The following HCFC1 variants were observed in gnomAD, a reference collection of about 807,000 sequenced individuals.
The protein encoded by HCFC1 is host cell factor 1.
A neutral mutation model predicts 105.5 loss-of-function variants in HCFC1; 7 were observed. The ratio of observed to expected loss-of-function variants is 0.07; its 90% CI spans 0.04 to 0.12. HCFC1 has a LOEUF of 0.12. HCFC1 is among the 10% of genes least tolerant of loss of function. HCFC1 has a pLI of 1.00. For missense variants in HCFC1, 1,065 were observed against 1,823.6 expected (o/e 0.58, Z 7.58); for synonymous variants, 918 against 828.1 (o/e 1.11, Z -1.86).
intron 12 of HCFC1, 122 bp downstream of exon 12, chrX:153,957,660 G>T: frequency 2.6e-6 from 2 of 762,128 alleles, no homozygotes; most frequent in Non-Finnish European, 3.9e-6. Context: ...AGGGGAGTGA[G>T]CAGCAGAACT....
intron 6 of HCFC1, among the ~76,000 whole-genome samples, chrX:153,960,703 G>A (rs781833300): frequency 8.9e-6 from 1 of 112,616 alleles, no homozygotes; most frequent in Admixed American, 9.4e-5. Context: ...ACGGCAATGG[G>A]AAAGTGGTTT....
In HCFC1 at chrX:153,952,769, C is replaced by T. The variant is rs782310209; in HGVS notation, c.4687G>A (p.Gly1563Ser). 24 of 1,207,543 alleles carry T rather than the reference C, an allele frequency of 2.0e-5. No individual in the cohort carries two copies. The highest frequency in any genetic ancestry group is 4.6e-4 in the Middle Eastern group (2 of 4,343). Residue 1563 changes from glycine to serine, a missense_variant, in exon 19 of 26, where the codon GGC (glycine) becomes AGC (serine). Physicochemically the swap from Gly to Ser is moderately conservative, Grantham distance 56. Coordinates refer to ENST00000310441, the MANE Select transcript of HCFC1 (RefSeq NM_005334.3). ...ACCACAGTGGCCACCACCGCAGAGC[C>T]GGCAGACTCCTGGCCCGAAGATGGC... ...GEPSSGQESA[G>S]SAVVATVVVQ...
intron 4 of HCFC1, among the ~76,000 whole-genome samples, chrX:153,963,019 A>G (rs2065443855): frequency 8.9e-6 from 1 of 112,404 alleles, no homozygotes; most frequent in Non-Finnish European, 1.9e-5. Context: ...CCACTCAGCC[A>G]GCACAGGGCA....
At chrX:153,957,999 G>A (rs782505811) in intron 11 of HCFC1, 26 bp downstream of exon 11, 4 of 1,189,726 alleles carry the variant, frequency 3.4e-6, no homozygotes, top group Admixed American at 4.3e-5. Flanking sequence ...GGCAGTGGCC[G>A]TAGCCTGGCA....
rs2857087 is a variant in HCFC1, at chrX:153,953,779, G to T, written c.4334-9C>A. On this transcript the variant is annotated splice_polypyrimidine_tract_variant and intron_variant, in intron 17 of 25. Transcript: ENST00000310441. Reference sequence around the variant, plus strand: ...GGCAGCAGGTGGGGGGTCTGTGGGGGCGACAGGCAGGCGGCTGCTCAGCAG... The same window carrying T: ...GGCAGCAGGTGGGGGGTCTGTGGGGTCGACAGGCAGGCGGCTGCTCAGCAG... 8.4e-7 allele frequency: 1 copy of T among 1,197,099 alleles called. No individual in the cohort carries two copies. Among genetic ancestry groups the T allele is most frequent in the Non-Finnish European group, 1.1e-6 (1 of 888,474 alleles).
chrX:153,955,395 C>T lies in HCFC1; in HGVS notation c.3004G>A (p.Gly1002Ser). The change falls in exon 17 of 26, where the codon GGT (glycine) becomes AGT (serine). Residue 1002 changes from glycine (G) to serine (S), a missense_variant. This residue lies in a region of HCFC1 where 546 missense variants were observed against 599.9 expected (regional missense o/e 0.91). Coordinates refer to ENST00000310441, the MANE Select transcript of HCFC1 (RefSeq NM_005334.3). ...ATVTIADSGQ[G>S]DVQPGTVTLV... ...GTGACAGTGCCAGGCTGCACATCAC[C>T]CTGGCCTGAGTCGGCGATGGTAACT... is the stretch of plus-strand genomic sequence containing the variant. 2 of 1,211,198 alleles carry T rather than the reference C, an allele frequency of 1.7e-6. No individual in the cohort carries two copies. Among genetic ancestry groups the T allele is most frequent in the Non-Finnish European group, 1.1e-6 (1 of 895,074 alleles).
In HCFC1 at chrX:153,950,466, C is replaced by A; in HGVS notation, c.5781G>T (p.Leu1927=). ...CCCCAGCCTGTGAGCTCTGGATGGCCAGGTACACGGAGTACTCGATAATCT... is the reference window on the plus strand; with the variant it reads ...CCCCAGCCTGTGAGCTCTGGATGGCAAGGTACACGGAGTACTCGATAATCT... The part of the protein sequence containing the change: ...SGKIIEYSVY[L]AIQSSQAGGE... Residue 1927 remains leucine (L), a synonymous_variant, in exon 24 of 26, where the codon CTG becomes CTT. Transcript: ENST00000310441. 8.3e-7 allele frequency: 1 copy of A among 1,203,070 alleles called. No individual in the cohort carries two copies. Among genetic ancestry groups the A allele is most frequent in the Non-Finnish European group, 1.1e-6 (1 of 890,692 alleles).
In HCFC1 at chrX:153,959,507, G is replaced by A. The variant is rs782720642; in HGVS notation, c.1445-16C>T. On this transcript the variant is annotated splice_polypyrimidine_tract_variant and intron_variant, in intron 8 of 25. Coordinates refer to ENST00000310441, the MANE Select transcript of HCFC1 (RefSeq NM_005334.3). ...GCAGGGACACCTGATGAGAGAAGGG[G>A]CCAGCCGTCAGCCATCACCTTCTGC... 2 of 1,209,877 alleles carry A rather than the reference G, an allele frequency of 1.7e-6. No individual in the cohort carries two copies. The highest frequency in any genetic ancestry group is 1.8e-5 in the South Asian group (1 of 56,732).
In HCFC1 at chrX:153,954,253, A is replaced by G; in HGVS notation, c.4146T>C (p.Ser1382=). Residue 1382 remains serine (S), a synonymous_variant, in exon 17 of 26, where the codon TCT becomes TCC. Coordinates refer to ENST00000310441, the MANE Select transcript of HCFC1 (RefSeq NM_005334.3). ...SVGALLPDAT[S]SHRTVESGLE... is the part of the protein sequence containing the mutation. ...GGCCAGACTCCACGGTCCTGTGGGA[A>G]GAAGTGGCGTCGGGAAGCAGGGCAC... is the stretch of plus-strand genomic sequence containing the variant. The G allele has an allele frequency of 8.3e-7, 1 of 1,205,474 alleles. No individual in the cohort carries two copies. The highest frequency in any genetic ancestry group is 1.1e-6 in the Non-Finnish European group (1 of 891,419).
At position 153,957,427 on chromosome X, in the gene HCFC1, T is replaced by G; in HGVS notation, c.2240A>C (p.Lys747Thr). 8.3e-7 allele frequency: 1 copy of G among 1,209,303 alleles called. No homozygotes were observed. Among genetic ancestry groups the G allele is most frequent in the Non-Finnish European group, 1.1e-6 (1 of 893,505 alleles). The part of the protein sequence containing the change: ...TTTQASGAGT[K>T]PTILGISSVS... ...GCTGCTGATGCCCAGGATGGTGGGC[T>G]TGGTCCCCGCCCCACTGGCCTGCGT... Residue 747 changes from lysine (K) to threonine (T), a missense_variant, in exon 13 of 26, where the codon AAG (lysine) becomes ACG (threonine). Transcript: ENST00000310441.
In HCFC1 at chrX:153,963,400, C is replaced by T; in HGVS notation, c.537G>A (p.Arg179=). ...CCCAGGCTACCACTCCAGAGCCTGG[C>T]CGTAATTCCAGGATATATAAGTCAT... ...YLNDLYILEL[R]PGSGVVAWDI... Residue 179 remains arginine, a synonymous_variant, in exon 4 of 26, where the codon CGG becomes CGA. Coordinates refer to ENST00000310441, the MANE Select transcript of HCFC1 (RefSeq NM_005334.3). 8.3e-7 allele frequency: 1 copy of T among 1,209,624 alleles called. No homozygotes were observed. The highest frequency in any genetic ancestry group is 2.3e-4 in the Middle Eastern group (1 of 4,331).
intron 1 of HCFC1, among the ~76,000 whole-genome samples, chrX:153,968,461 G>C (rs782258071): frequency 1.8e-5 from 2 of 112,076 alleles, no homozygotes; most frequent in Admixed American, 9.4e-5. Flanking sequence ...GGAGGGGGCA[G>C]AAACCCCGGT....
In HCFC1 at chrX:153,950,419, G is replaced by A. The variant is rs374509773; in HGVS notation, c.5828C>T (p.Pro1943Leu). The A allele has an allele frequency of 2.5e-6, 3 of 1,209,779 alleles. No individual in the cohort carries two copies. Among genetic ancestry groups the A allele is most frequent in the Non-Finnish European group, 3.4e-6 (3 of 894,483 alleles). ...CACCCGCATGAAGGCCAGCTGGGCC[G>A]GGGTGGAGCTCTTGAGCTCGCCCCC... is the stretch of plus-strand genomic sequence containing the variant. ...QAGGELKSST[P>L]AQLAFMRVYC... is the part of the protein sequence containing the mutation. The change falls in exon 24 of 26, where the codon CCG becomes CTG. Residue 1943 changes from proline to leucine, a missense_variant. Pro to Leu is a moderately conservative substitution (Grantham distance 98). This residue lies in a region of HCFC1 where 32 missense variants were observed against 68.3 expected (regional missense o/e 0.47). Transcript: ENST00000310441.
At position 153,959,671 on chromosome X, in the gene HCFC1, T is replaced by G. The variant is rs974813096; in HGVS notation, c.1444+131A>C. 76 of 985,875 alleles carry G rather than the reference T, an allele frequency of 7.7e-5. No individual in the cohort carries two copies. In the African/African-American group the frequency reaches 1.3e-3, roughly 17 times the overall value. The allele number at this position is 985,875 out of a possible 1,213,427, so 81.2% of individuals were successfully genotyped here. ...AGGCTTTAGCATCCCCCTACAACCC[T>G]TGGAGACAAGCCCAAAGCTCCCGGC... is the stretch of plus-strand genomic sequence containing the variant. On this transcript the variant is annotated intron_variant, in intron 8 of 25. Transcript: ENST00000310441.
intron 17 of HCFC1, 115 bp downstream of exon 17, chrX:153,953,951 G>T: frequency 1.0e-6 from 1 of 957,015 alleles, no homozygotes. Context: ...CTGGTAAATT[G>T]GGTGCCAAGG....
chrX:153,955,169 T>A lies in HCFC1; in HGVS notation c.3230A>T (p.Asn1077Ile), dbSNP rs1557114409. 17 of 1,209,145 alleles carry A rather than the reference T, an allele frequency of 1.4e-5. No individual in the cohort carries two copies. Among genetic ancestry groups the A allele is most frequent in the Non-Finnish European group, 1.9e-5 (17 of 894,822 alleles). The change falls in exon 17 of 26, where the codon AAC (asparagine) becomes ATC (isoleucine). Residue 1077 changes from asparagine (N) to isoleucine (I), a missense_variant. Transcript: ENST00000310441. Reference sequence around the variant, plus strand: ...CGTCTCGTGGGTCTCGCAGGGCGGGTTCGAACAGACTCGGACCACGCTACC... The same window carrying A: ...CGTCTCGTGGGTCTCGCAGGGCGGGATCGAACAGACTCGGACCACGCTACC... ...QNGSVVRVCSNPPCETHETGT... is the reference protein window; with the variant it reads ...QNGSVVRVCSIPPCETHETGT...
chrX:153,949,308 G>A lies in HCFC1; in HGVS notation c.*39C>T, dbSNP rs782193068. The A allele has an allele frequency of 8.6e-7, 1 of 1,160,600 alleles. No individual in the cohort carries two copies. The highest frequency in any genetic ancestry group is 3.0e-5 in the East Asian group (1 of 33,592). On this transcript the variant is annotated 3_prime_UTR_variant, in exon 26 of 26. Transcript: ENST00000310441. The stretch of plus-strand genomic sequence containing the variant: ...CCCTGGCGGGTGTTCCTGAAGCAGG[G>A]GGGTCTGGAGAAGAATCCAGGGGCT...
rs782354980 is a variant in HCFC1, at chrX:153,951,334, A to T, written c.5517+16T>A. ...GACCCACCCACCTGAGGACATCAGC[A>T]CCTGGGGACACTTACGTCTGATGGG... On this transcript the variant is annotated intron_variant, in intron 22 of 25. Transcript: ENST00000310441. 12 of 1,208,262 alleles carry T rather than the reference A, an allele frequency of 9.9e-6. No homozygotes were observed. The highest frequency in any genetic ancestry group is 1.2e-5 in the Non-Finnish European group (11 of 894,022).
intron 10 of HCFC1, 33 bp downstream of exon 10, chrX:153,958,536 T>G (rs2065399543): frequency 8.8e-7 from 1 of 1,130,356 alleles, no homozygotes; most frequent in Admixed American, 2.4e-5. Context: ...TATGCTTGTT[T>G]GACCACAGTG....
Sources: allele counts gnomAD v4.1 joint callset (sites outside exome capture counted in the v4.1 genomes callset), GRCh38; gene constraint gnomAD v4.1.1; regional missense constraint gnomAD v4.1.1; transcripts MANE v1.5; gene names NCBI Gene and HGNC (gene_info 2026-07-23, HGNC 2026-07-21).